ZFPM2: variants seen among roughly 807,000 people sequenced by gnomAD.
The protein encoded by ZFPM2 is zinc finger protein, FOG family member 2, also known as zinc finger protein ZFPM2.
In ZFPM2, 20 loss-of-function variants were observed where a neutral mutation model predicts 98.6. The observed-to-expected ratio is 0.20, with a 90% CI of 0.14 to 0.29. ZFPM2 has a LOEUF of 0.29. ZFPM2 is among the 10% of genes least tolerant of loss of function. The pLI is 1.00. For missense variants in ZFPM2, 1,310 were observed against 1,388.6 expected, an observed-to-expected ratio of 0.94 and a Z score of 0.90; for synonymous variants, 518 against 502.7, an observed-to-expected ratio of 1.03 and a Z score of -0.41.
chr8:105,494,875 T>A (rs1338553273), intron 3 of ZFPM2, among the ~76,000 whole-genome samples: 1 of 152,240 alleles, frequency 6.6e-6, no homozygotes, highest in Non-Finnish European at 1.5e-5. Context: ...ATGTTGGTTC[T>A]TATATAATGA....
At chr8:105,410,389 T>C (rs185747316) in intron 1 of ZFPM2, among the ~76,000 whole-genome samples, 5 of 152,022 alleles carry the variant, frequency 3.3e-5, no homozygotes, top group African/African-American at 4.8e-5. Flanking sequence ...GCCAAAGCCC[T>C]TTTTTAGTGT....
chr8:105,346,515 C>T (rs1431591297), intron 1 of ZFPM2, among the ~76,000 whole-genome samples: 1 of 152,052 alleles, frequency 6.6e-6, no homozygotes, highest in Non-Finnish European at 1.5e-5. Context: ...CAGAAGATTT[C>T]CTGGGAAACA....
At chr8:105,488,833 A>T (rs1054407628) in intron 3 of ZFPM2, among the ~76,000 whole-genome samples, 1 of 152,158 alleles carries the variant, frequency 6.6e-6, no homozygotes, top group African/African-American at 2.4e-5. Context: ...ATTCTATGTG[A>T]ACAAACCAGG....
At chr8:105,692,679 C>T (rs1810915777) in intron 5 of ZFPM2, among the ~76,000 whole-genome samples, 1 of 152,124 alleles carries the variant, frequency 6.6e-6, no homozygotes. Flanking sequence ...TTACCAAACT[C>T]CAGATAGGTA....
At chr8:105,608,160 G>A (rs545257178) in intron 4 of ZFPM2, among the ~76,000 whole-genome samples, 7 of 152,138 alleles carry the variant, frequency 4.6e-5, no homozygotes, top group African/African-American at 1.7e-4. Context: ...AAGAAGGACG[G>A]ACACTGGGGA....
chr8:105,551,564 T>C (rs1814853721), intron 3 of ZFPM2, among the ~76,000 whole-genome samples: 1 of 152,192 alleles, frequency 6.6e-6, no homozygotes, highest in African/African-American at 2.4e-5. Flanking sequence ...CCTCACAGTG[T>C]AGTATGAGCT....
intron 1 of ZFPM2, among the ~76,000 whole-genome samples, chr8:105,404,895 T>C (rs1460612231): frequency 6.6e-6 from 1 of 152,012 alleles, no homozygotes; most frequent in African/African-American, 2.4e-5. Flanking sequence ...ATACAGATAA[T>C]GATTTCCAGA....
chr8:105,399,423 A>G lies in ZFPM2; in HGVS notation c.41-19721A>G, dbSNP rs1165749343. 2.0e-5 allele frequency among the ~76,000 whole-genome samples: 3 copies of G among 152,150 alleles called. No homozygotes were observed. The East Asian group carries it at 5.8e-4, about 29-fold the overall frequency. On this transcript the variant is annotated intron_variant, in intron 1 of 7. Transcript: ENST00000407775. ...TTTCGGAGGTAGAGCTTTTAAGGAC[A>G]TGATGGATTCGATGTGTGCCTGAAA...
intron 3 of ZFPM2, among the ~76,000 whole-genome samples, chr8:105,527,281 G>GA (rs1159470166): frequency 6.6e-6 from 1 of 152,110 alleles, no homozygotes; most frequent in African/African-American, 2.4e-5. Context: ...AACTCTAAAA[G>GA]AGCCTCTGCT....
At chr8:105,613,087 A>G (rs979890) in intron 4 of ZFPM2, among the ~76,000 whole-genome samples, 1,584 of 152,304 alleles carry the variant, frequency 0.01, 5 homozygotes, top group Non-Finnish European at 0.016. Context: ...ACAGATTTAA[A>G]TGATTTCAGT....
At chr8:105,398,227 A>C (rs1034605508) in intron 1 of ZFPM2, among the ~76,000 whole-genome samples, 2 of 152,286 alleles carry the variant, frequency 1.3e-5, no homozygotes, top group Non-Finnish European at 2.9e-5. Flanking sequence ...AACTGACTAC[A>C]TAAGGATCAT....
chr8:105,774,284 T>C (rs1415364925), intron 5 of ZFPM2, among the ~76,000 whole-genome samples: 1 of 151,464 alleles, frequency 6.6e-6, no homozygotes, highest in African/African-American at 2.5e-5. Context: ...AAATAATTAC[T>C]TATGCAGAAT....
chr8:105,361,454 T>G (rs1812859993), intron 1 of ZFPM2, among the ~76,000 whole-genome samples: 2 of 151,376 alleles, frequency 1.3e-5, no homozygotes, highest in African/African-American at 4.9e-5. Context: ...TTTCTTTTGC[T>G]GTGCAGAAGC....
At chr8:105,761,326 A>G (rs1385814925) in intron 5 of ZFPM2, among the ~76,000 whole-genome samples, 1 of 151,992 alleles carries the variant, frequency 6.6e-6, no homozygotes, top group African/African-American at 2.4e-5. Context: ...TTCCTTGACC[A>G]CTGTGTGTTC....
chr8:105,782,432 A>C (rs1198165781), intron 5 of ZFPM2: 1 of 152,180 alleles, frequency 6.6e-6, no homozygotes, highest in Non-Finnish European at 1.5e-5. Flanking sequence ...AGGACAAATA[A>C]ATTTTCTGTG....
At chr8:105,580,988 A>G (rs1815583634) in intron 4 of ZFPM2, among the ~76,000 whole-genome samples, 2 of 152,040 alleles carry the variant, frequency 1.3e-5, no homozygotes, top group Non-Finnish European at 2.9e-5. Context: ...ACGAGTGAGT[A>G]GTGACCAACT....
Position 105,537,491 on chromosome 8 carries a change from C to T in ZFPM2, c.302-23872C>T, listed in dbSNP as rs541727630. 4.6e-5 allele frequency among the ~76,000 whole-genome samples: 7 copies of T among 152,232 alleles called. No individual in the cohort carries two copies. In the East Asian group the frequency reaches 1.4e-3, roughly 30 times the overall value. ...ATGAGTTCAAGGCTATCCTGGACAACATAGCAAAACCCTATCTCTAAAATA... is the reference window on the plus strand; with the variant it reads ...ATGAGTTCAAGGCTATCCTGGACAATATAGCAAAACCCTATCTCTAAAATA... On this transcript the variant is annotated intron_variant, in intron 3 of 7. Coordinates refer to ENST00000407775, the MANE Select transcript of ZFPM2 (RefSeq NM_012082.4).
At chr8:105,611,114 C>T (rs1318358453) in intron 4 of ZFPM2, among the ~76,000 whole-genome samples, 1 of 152,140 alleles carries the variant, frequency 6.6e-6, no homozygotes, top group Non-Finnish European at 1.5e-5. Context: ...TTACAGACAG[C>T]TCCTGACTTA....
Position 105,803,736 on chromosome 8 carries a change from A to T in ZFPM2, c.*198A>T. The T allele has an allele frequency of 1.7e-6, 1 of 572,774 alleles. No individual in the cohort carries two copies. The allele number at this position is 572,774 out of a possible 1,614,324, so 35.5% of individuals were successfully genotyped here. A position where few individuals can be genotyped will look rare whatever the true frequency, so the allele number is the denominator to read the frequency against. Reference sequence around the variant, plus strand: ...ATTGGTGCCATTTTCAAAAAAATTAATTTATTTTACCAGCAGTATTCATAG... The same window carrying T: ...ATTGGTGCCATTTTCAAAAAAATTATTTTATTTTACCAGCAGTATTCATAG... On this transcript the variant is annotated 3_prime_UTR_variant, in exon 8 of 8. Coordinates refer to ENST00000407775, the MANE Select transcript of ZFPM2 (RefSeq NM_012082.4).
Sources: allele counts gnomAD v4.1 joint callset (sites outside exome capture counted in the v4.1 genomes callset), GRCh38; gene constraint gnomAD v4.1.1; transcripts MANE v1.5; gene names NCBI Gene and HGNC (gene_info 2026-07-23, HGNC 2026-07-21).